PTPRB: variants seen among roughly 807,000 people sequenced by gnomAD.
PTPRB encodes the protein receptor-type tyrosine-protein phosphatase beta.
Under a neutral mutation model 238.1 loss-of-function variants are expected in PTPRB, and 97 were observed. The ratio of observed to expected loss-of-function variants is 0.41; its 90% CI spans 0.35 to 0.48. PTPRB has a LOEUF of 0.48. PTPRB is among the 20% of genes least tolerant of loss of function. The pLI is 0.30. For synonymous variants in PTPRB, 970 were observed against 995.4 expected (o/e 0.97, Z 0.48); for missense variants, 2,292 against 2,681.9 (o/e 0.85, Z 3.21).
intron 21 of PTPRB, among the ~76,000 whole-genome samples, chr12:70,551,730 T>G (rs1282427195): frequency 6.6e-6 from 1 of 152,174 alleles, no homozygotes; most frequent in Non-Finnish European, 1.5e-5. Context: ...GAAGTAATAA[T>G]GTTGGATGTC....
At chr12:70,606,787 T>C (rs1357395656) in intron 4 of PTPRB, among the ~76,000 whole-genome samples, 1 of 152,144 alleles carries the variant, frequency 6.6e-6, no homozygotes, top group Non-Finnish European at 1.5e-5. Flanking sequence ...TACTGACAAA[T>C]AAATAACAAC....
intron 2 of PTPRB, among the ~76,000 whole-genome samples, chr12:70,635,274 T>C (rs563977541): frequency 6.6e-6 from 1 of 152,336 alleles, no homozygotes; most frequent in East Asian, 1.9e-4. Flanking sequence ...GAAGTGTCTG[T>C]CAATAAAATC....
intron 18 of PTPRB, chr12:70,558,836 C>T (rs1161388459): frequency 1.8e-5 from 3 of 164,016 alleles, no homozygotes; most frequent in Non-Finnish European, 4.0e-5. Flanking sequence ...TTAATCCTCA[C>T]CTTTTATGCT....
intron 25 of PTPRB, 53 bp downstream of exon 25, chr12:70,539,774 G>T: frequency 1.3e-6 from 2 of 1,595,990 alleles, no homozygotes; most frequent in South Asian, 2.2e-5. Context: ...TAACTATTCT[G>T]ACTCATATTT....
chr12:70,540,096 G>A, intron 23 of PTPRB, 74 bp from the exon 24 acceptor site: 1 of 1,268,474 alleles, frequency 7.9e-7, no homozygotes, highest in Non-Finnish European at 1.1e-6. Flanking sequence ...TTTATGGTAA[G>A]GCTGTGGATG....
Position 70,581,080 on chromosome 12 carries a change from C to T in PTPRB, c.2534G>A (p.Ser845Asn). ...CACTTGTCGGGAAGAGATCCCTCCA[C>T]TCACTGTTGTTACCACCACGGAGTA... ...SLYSVVVTTV[S>N]GGISSRQVVV... The change falls in exon 10 of 34, where the codon AGT becomes AAT. Residue 845 changes from serine to asparagine, a missense_variant. This residue lies in a region of PTPRB where 1,205 missense variants were observed against 1,287.8 expected (regional missense o/e 0.94). Transcript: ENST00000334414. The T allele has an allele frequency of 1.2e-6, 2 of 1,614,040 alleles. No individual in the cohort carries two copies. Among genetic ancestry groups the T allele is most frequent in the Middle Eastern group, 3.3e-4 (2 of 6,062 alleles).
chr12:70,628,806 T>C (rs61930333), intron 2 of PTPRB, among the ~76,000 whole-genome samples: 9,694 of 152,078 alleles, frequency 0.064, 351 homozygotes, highest in South Asian at 0.14. Flanking sequence ...ATCAAGCAAT[T>C]CTCCCACCTT....
At chr12:70,624,304 G>A (rs146854548) in intron 2 of PTPRB, among the ~76,000 whole-genome samples, 22 of 152,100 alleles carry the variant, frequency 1.4e-4, no homozygotes, top group Non-Finnish European at 2.6e-4. Flanking sequence ...CGAGTGCTGC[G>A]TATATTATCT....
chr12:70,557,811 GCATGTGTGTCA>G (rs1166403642), intron 18 of PTPRB, among the ~76,000 whole-genome samples: 1 of 152,220 alleles, frequency 6.6e-6, no homozygotes, highest in African/African-American at 2.4e-5. Context: ...TTCTGCTTAA[GCATGTGTGTCA>G]CATGGTAGAT....
At chr12:70,539,455 T>C (rs189691898) in intron 26 of PTPRB, 170 bp downstream of exon 26, 254 of 607,310 alleles carry the variant, frequency 4.2e-4, no homozygotes, top group Admixed American at 6.7e-4. Context: ...TAAGATTAGA[T>C]GGTATATTCT....
At chr12:70,616,643 C>T (rs1372579070) in intron 3 of PTPRB, among the ~76,000 whole-genome samples, 1 of 152,118 alleles carries the variant, frequency 6.6e-6, no homozygotes, top group African/African-American at 2.4e-5. Flanking sequence ...TGGTAAGCAC[C>T]ACAAGCTTCC....
chr12:70,612,646 T>C (rs1430538090), intron 3 of PTPRB, among the ~76,000 whole-genome samples: 2 of 151,098 alleles, frequency 1.3e-5, no homozygotes, highest in African/African-American at 2.4e-5. Flanking sequence ...TGATTAAACA[T>C]GAGTGAACAA....
At chr12:70,599,467 G>A (rs1456052251) in intron 4 of PTPRB, among the ~76,000 whole-genome samples, 3 of 152,078 alleles carry the variant, frequency 2.0e-5, no homozygotes, top group African/African-American at 7.2e-5. Flanking sequence ...TATAAAATAT[G>A]AGAACTAATA....
At chr12:70,550,731 A>G (rs1876748346) in intron 21 of PTPRB, among the ~76,000 whole-genome samples, 1 of 152,070 alleles carries the variant, frequency 6.6e-6, no homozygotes, top group South Asian at 2.1e-4. Flanking sequence ...ACTCTCTTTG[A>G]AATTTAGTAA....
At chr12:70,616,130 G>T (rs900115749) in intron 3 of PTPRB, among the ~76,000 whole-genome samples, 7 of 152,008 alleles carry the variant, frequency 4.6e-5, no homozygotes, top group African/African-American at 1.7e-4. Context: ...ATTTTATAGA[G>T]ATGGGATCTC....
At chr12:70,548,437 A>T (rs567354268) in intron 21 of PTPRB, among the ~76,000 whole-genome samples, 1 of 151,780 alleles carries the variant, frequency 6.6e-6, no homozygotes, top group Non-Finnish European at 1.5e-5. Context: ...GAACAAGAGG[A>T]TCTGAAGTCT....
At chr12:70,608,891 C>T in intron 4 of PTPRB, 178 bp downstream of exon 4, 1 of 907,402 alleles carries the variant, frequency 1.1e-6, no homozygotes, top group East Asian at 2.7e-5. Context: ...CTCTGAAAGT[C>T]CACCAAGCTG....
At chr12:70,609,963 A>G in intron 3 of PTPRB, 1 of 524,392 alleles carries the variant, frequency 1.9e-6, no homozygotes, top group Admixed American at 4.6e-5. Flanking sequence ...CGCAGGGGCC[A>G]CTGCGGCCAC....
rs377102129 is a variant in PTPRB at position 70,539,596 on chromosome 12, G to A, written c.5778+29C>T. ...GGAAATTCTGCTAAGAACTAGGGATGCTGAAGCTTCATTCTGCCTGAGTTG... is the reference window on the plus strand; with the variant it reads ...GGAAATTCTGCTAAGAACTAGGGATACTGAAGCTTCATTCTGCCTGAGTTG... On this transcript the variant is annotated intron_variant, in intron 26 of 33. Coordinates refer to ENST00000334414, the MANE Select transcript of PTPRB (RefSeq NM_001109754.4). 3 of 1,457,814 alleles carry A rather than the reference G, an allele frequency of 2.1e-6. No homozygotes were observed. In the African/African-American group the frequency reaches 4.2e-5, roughly 20 times the overall value. The allele number at this position is 1,457,814 out of a possible 1,614,324, so 90.3% of individuals were successfully genotyped here.
Sources: gnomAD v4.1 joint callset for allele counts (sites outside exome capture counted in the v4.1 genomes callset) on GRCh38, gnomAD v4.1.1 for gene constraint, gnomAD v4.1.1 regional missense constraint, MANE v1.5 for transcripts, NCBI Gene and HGNC (gene_info 2026-07-23, HGNC 2026-07-21) for gene names.